CHLSN: variants seen among roughly 807,000 people sequenced by gnomAD.
The protein encoded by CHLSN is protein cholesin.
At chr7:997,569 T>C in the CHLSN span, 3 of 1,396,176 alleles carry the variant, frequency 2.1e-6, no homozygotes, top group Non-Finnish European at 2.8e-6. Context: ...AGCTGCACCC[T>C]GTGTGGTCTG....
At chr7:1,095,295 G>T in the CHLSN span, among the ~76,000 whole-genome samples, 2 of 135,146 alleles carry the variant, frequency 1.5e-5, no homozygotes, top group African/African-American at 5.8e-5. Context: ...CCCACACCTG[G>T]GCGCTGTCTT....
At chr7:1,134,695 C>T in the CHLSN span, among the ~76,000 whole-genome samples, 1 of 151,656 alleles carries the variant, frequency 6.6e-6, no homozygotes, top group African/African-American at 2.4e-5. Flanking sequence ...GGTGAAACCC[C>T]GTCTCTACTA....
the CHLSN span, chr7:986,757 C>T: frequency 1.2e-6 from 2 of 1,603,056 alleles, no homozygotes; most frequent in South Asian, 2.2e-5. Flanking sequence ...CCGGGGGACC[C>T]CGTGTGCAGC....
chr7:1,080,791 G>A, the CHLSN span: 1 of 152,268 alleles, frequency 6.6e-6, no homozygotes. Context: ...CGTGACCTCG[G>A]CTGCAGAGGG....
the CHLSN span, among the ~76,000 whole-genome samples, chr7:1,001,849 G>A: frequency 8.5e-6 from 1 of 117,070 alleles, no homozygotes; most frequent in Middle Eastern, 5.8e-3. Context: ...GGAGTCCTGT[G>A]GGTGAGTGGA....
the CHLSN span, chr7:1,055,502 C>T: frequency 4.9e-5 from 22 of 452,866 alleles, no homozygotes; most frequent in East Asian, 6.3e-4. Flanking sequence ...CTGTGGTGCC[C>T]GCAGGTGGGA....
the CHLSN span, chr7:1,093,197 C>A: frequency 1.9e-6 from 1 of 522,052 alleles, no homozygotes; most frequent in Non-Finnish European, 3.8e-6. Context: ...TTTCTGACAC[C>A]GTCGACCAGG....
At chr7:1,053,375 C>A in the CHLSN span, among the ~76,000 whole-genome samples, 1 of 152,230 alleles carries the variant, frequency 6.6e-6, no homozygotes, top group South Asian at 2.1e-4. Context: ...CTAATGTGCC[C>A]GGAACAGCTC....
At chr7:1,020,863 G>A in the CHLSN span, among the ~76,000 whole-genome samples, 1 of 152,238 alleles carries the variant, frequency 6.6e-6, no homozygotes, top group Non-Finnish European at 1.5e-5. Flanking sequence ...CTTTCTTGGG[G>A]GCAATCAGGC....
chr7:1,099,732 G>A, the CHLSN span, among the ~76,000 whole-genome samples: 9 of 152,346 alleles, frequency 5.9e-5, no homozygotes, highest in Admixed American at 5.2e-4. Context: ...CTGCCTGGGC[G>A]TTGCCGTCTG....
the CHLSN span, chr7:1,021,602 G>C: frequency 1.0e-6 from 1 of 981,474 alleles, no homozygotes; most frequent in Non-Finnish European, 1.2e-6. Flanking sequence ...CTGTTGGATG[G>C]GAGAGGGACA....
the CHLSN span, chr7:1,092,081 A>C: frequency 6.2e-7 from 1 of 1,613,894 alleles, no homozygotes; most frequent in Non-Finnish European, 8.5e-7. Flanking sequence ...GAGGTGTTCA[A>C]CCTGCACGAG....
the CHLSN span, among the ~76,000 whole-genome samples, chr7:1,102,591 C>T: frequency 4.9e-4 from 71 of 144,988 alleles, no homozygotes; most frequent in African/African-American, 1.8e-3. Context: ...TTTTTTTTTT[C>T]AGAGCAGGAG....
the CHLSN span, among the ~76,000 whole-genome samples, chr7:1,108,777 C>A: frequency 2.6e-5 from 4 of 152,154 alleles, no homozygotes; most frequent in Non-Finnish European, 4.4e-5. Flanking sequence ...CGCTTTGATG[C>A]CGATGGGGGC....
chr7:1,002,913 T>A, the CHLSN span, among the ~76,000 whole-genome samples: 2 of 79,088 alleles, frequency 2.5e-5, no homozygotes, highest in South Asian at 5.4e-4. Context: ...TCCTGTGGGT[T>A]TGGAGTCCTG....
chr7:987,939 G>C, the CHLSN span, among the ~76,000 whole-genome samples: 2 of 146,398 alleles, frequency 1.4e-5, no homozygotes, highest in Non-Finnish European at 3.0e-5. Flanking sequence ...GTCCTGGGGG[G>C]GTCCCCTGTG....
At chr7:1,007,141 A>G in the CHLSN span, among the ~76,000 whole-genome samples, 15,971 of 152,100 alleles carry the variant, frequency 0.11, 1,120 homozygotes, top group Middle Eastern at 0.25. Flanking sequence ...TCCCAGAGAG[A>G]TGAGAGGAAA....
the CHLSN span, chr7:1,087,031 G>A: frequency 1.3e-5 from 2 of 152,272 alleles, no homozygotes; most frequent in Non-Finnish European, 2.9e-5. Context: ...CTGCCCTCAT[G>A]GGGCGGCCAT....
the CHLSN span, among the ~76,000 whole-genome samples, chr7:1,121,170 CG>C: frequency 6.6e-6 from 1 of 152,336 alleles, no homozygotes; most frequent in Non-Finnish European, 1.5e-5. Context: ...TTCCCCCACA[CG>C]TAAGACTGTT....
Sources: gnomAD v4.1 joint callset for allele counts (sites outside exome capture counted in the v4.1 genomes callset) on GRCh38, gnomAD v4.1.1 for gene constraint, MANE v1.5 for transcripts, NCBI Gene and HGNC (gene_info 2026-07-23, HGNC 2026-07-21) for gene names.